The following RBFOX1 variants were observed in gnomAD, a reference collection of about 807,000 sequenced individuals.
The protein encoded by RBFOX1 is RNA binding protein fox-1 homolog 1.
RBFOX1 carries 8 observed loss-of-function variants against 57.7 expected under a neutral mutation model. That is an observed-to-expected ratio of 0.14 (90% confidence interval 0.08 to 0.25). The LOEUF is 0.25. RBFOX1 is among the 10% of genes least tolerant of loss of function. RBFOX1 has a pLI of 1.00. For synonymous variants in RBFOX1, 326 were observed against 222.4 expected (o/e 1.47, Z -4.15); for missense variants, 611 against 548.5 (o/e 1.11, Z -1.14).
chr16:6,729,530 T>G (rs565032499), intron 3 of RBFOX1, among the ~76,000 whole-genome samples: 15 of 152,310 alleles, frequency 9.8e-5, no homozygotes, highest in Non-Finnish European at 2.2e-4. Flanking sequence ...AGAAGATGTT[T>G]ATATACAGCT....
chr16:5,369,678 C>G (rs747135377), intron 1 of RBFOX1, among the ~76,000 whole-genome samples: 1 of 152,182 alleles, frequency 6.6e-6, no homozygotes, highest in East Asian at 1.9e-4. Context: ...AACATATTTC[C>G]AAAGCACACC....
At position 7,001,389 on chromosome 16, in the gene RBFOX1, T is replaced by C. The variant is rs1019615957; in HGVS notation, c.-15-50668T>C. On this transcript the variant is annotated intron_variant, in intron 3 of 15. Coordinates refer to ENST00000550418, the MANE Select transcript of RBFOX1 (RefSeq NM_018723.4). ...GTATGTGTATGTGTATGTGTATGTG[T>C]ATGTGTATTTGTATATGTATATGTA... Among the ~76,000 whole-genome samples the C allele has an allele frequency of 4.6e-5, 6 of 131,774 alleles. No homozygotes were observed. In the South Asian group the frequency reaches 1.3e-3, roughly 30 times the overall value. 86.4% of individuals were successfully genotyped at this position (131,774 alleles called of 152,430 possible).
At chr16:6,136,058 G>A (rs933514066) in intron 1 of RBFOX1, among the ~76,000 whole-genome samples, 3 of 152,196 alleles carry the variant, frequency 2.0e-5, no homozygotes, top group Non-Finnish European at 4.4e-5. Flanking sequence ...GCCTCCCAAC[G>A]TGCTGGGATT....
chr16:5,597,958 C>G (rs541873322), intron 2 of RBFOX1, among the ~76,000 whole-genome samples: 19 of 152,114 alleles, frequency 1.2e-4, no homozygotes, highest in Non-Finnish European at 2.4e-4. Flanking sequence ...AGGTTAAGAC[C>G]TACTTCTTAA....
At chr16:6,732,318 C>G (rs932226215) in intron 3 of RBFOX1, among the ~76,000 whole-genome samples, 1 of 152,214 alleles carries the variant, frequency 6.6e-6, no homozygotes, top group Non-Finnish European at 1.5e-5. Context: ...CGGCCCCAGG[C>G]TCCTGTTCAG....
At chr16:6,831,368 A>C (rs1290407229) in intron 3 of RBFOX1, among the ~76,000 whole-genome samples, 1 of 152,180 alleles carries the variant, frequency 6.6e-6, no homozygotes, top group Non-Finnish European at 1.5e-5. Context: ...TCTAGATTTT[A>C]CTGAGTTAAC....
intron 1 of RBFOX1, among the ~76,000 whole-genome samples, chr16:5,253,055 A>G (rs1596310758): frequency 6.6e-6 from 1 of 152,030 alleles, no homozygotes; most frequent in Admixed American, 6.6e-5. Flanking sequence ...GAGCCGCTTA[A>G]TTTTCATCTG....
chr16:6,920,862 G>C (rs2074305788), intron 3 of RBFOX1, among the ~76,000 whole-genome samples: 1 of 152,160 alleles, frequency 6.6e-6, no homozygotes. Flanking sequence ...ACCTGCAAAA[G>C]CTTTATTTCC....
intron 4 of RBFOX1, among the ~76,000 whole-genome samples, chr16:7,256,234 G>C (rs2153044822): frequency 6.6e-6 from 1 of 152,264 alleles, no homozygotes; most frequent in East Asian, 1.9e-4. Flanking sequence ...TTGCCTTCCA[G>C]CTCTGTAACC....
chr16:5,429,503 G>A (rs1175413525), intron 1 of RBFOX1, among the ~76,000 whole-genome samples: 2 of 152,284 alleles, frequency 1.3e-5, no homozygotes, highest in East Asian at 1.9e-4. Context: ...GGGGCCTGTG[G>A]GGTCCTGGGA....
chr16:7,134,241 G>A (rs893110374), intron 4 of RBFOX1, among the ~76,000 whole-genome samples: 1 of 152,150 alleles, frequency 6.6e-6, no homozygotes, highest in East Asian at 1.9e-4. Flanking sequence ...GATCAATAGA[G>A]CTGTGCTAAT....
Position 6,202,117 on chromosome 16 carries a change from G to C in RBFOX1, c.-126-114878G>C, listed in dbSNP as rs2097219381. Among the ~76,000 whole-genome samples, 4 of 152,316 alleles carry C rather than the reference G, an allele frequency of 2.6e-5. No homozygotes were observed. The South Asian group carries it at 8.3e-4, about 32-fold the overall frequency. On this transcript the variant is annotated intron_variant, in intron 1 of 15. Transcript: ENST00000550418. Reference sequence around the variant, plus strand: ...TACCTTGAGTTGGGAGAAACACATAGCTATGTCAGATCATTAACCAGTTTC... The same window carrying C: ...TACCTTGAGTTGGGAGAAACACATACCTATGTCAGATCATTAACCAGTTTC...
intron 3 of RBFOX1, among the ~76,000 whole-genome samples, chr16:6,978,069 G>T (rs1172622112): frequency 1.5e-5 from 1 of 65,952 alleles, no homozygotes; most frequent in East Asian, 3.8e-4. Context: ...CCCGTACCCC[G>T]CCCCCCTTCA....
At chr16:6,610,477 G>A (rs895001997) in intron 2 of RBFOX1, among the ~76,000 whole-genome samples, 1 of 152,038 alleles carries the variant, frequency 6.6e-6, no homozygotes, top group East Asian at 1.9e-4. Flanking sequence ...ACAGGTGCAT[G>A]CCACCACACT....
intron 4 of RBFOX1, among the ~76,000 whole-genome samples, chr16:5,923,176 G>A (rs2058863355): frequency 6.6e-6 from 1 of 152,204 alleles, no homozygotes; most frequent in South Asian, 2.1e-4. Flanking sequence ...GGCTGCTAAT[G>A]TAGTGGTAAT....
intron 3 of RBFOX1, among the ~76,000 whole-genome samples, chr16:5,801,575 T>A (rs534415143): frequency 6.6e-6 from 1 of 151,484 alleles, no homozygotes; most frequent in South Asian, 2.1e-4. Context: ...ATGAGTGGGG[T>A]TTGGTTACTT....
chr16:6,844,366 A>G (rs1395882903), intron 3 of RBFOX1, among the ~76,000 whole-genome samples: 2 of 151,962 alleles, frequency 1.3e-5, no homozygotes, highest in Non-Finnish European at 2.9e-5. Context: ...CCCTCAGCAG[A>G]TCCCCACGCC....
rs572597309 is a variant in RBFOX1, at chr16:7,004,934, A to G, written c.-15-47123A>G. Among the ~76,000 whole-genome samples, 8 of 152,300 alleles carry G rather than the reference A, an allele frequency of 5.3e-5. No homozygotes were observed. The East Asian group carries it at 1.6e-3, about 30-fold the overall frequency. On this transcript the variant is annotated intron_variant, in intron 3 of 15. Transcript: ENST00000550418. ...TAAGGTGGGCCGATCACTTGAGGTC[A>G]GGAGTTCGAGACCAGCTTGGCCAAC...
chr16:6,693,142 A>C (rs533423146), intron 3 of RBFOX1, among the ~76,000 whole-genome samples: 52 of 149,136 alleles, frequency 3.5e-4, no homozygotes, highest in African/African-American at 1.2e-3. Flanking sequence ...CATCACCATC[A>C]TCCTCCTCCA....
Sources: gnomAD v4.1 joint callset for allele counts (sites outside exome capture counted in the v4.1 genomes callset) on GRCh38, gnomAD v4.1.1 for gene constraint, MANE v1.5 for transcripts, NCBI Gene and HGNC (gene_info 2026-07-23, HGNC 2026-07-21) for gene names.